Variants in LMNTD1 observed in about 807,000 individuals in gnomAD.
LMNTD1 encodes the protein lamin tail domain-containing protein 1.
Under a neutral mutation model 50.9 loss-of-function variants are expected in LMNTD1, and 35 were observed. The observed-to-expected ratio is 0.69, with a 90% CI of 0.53 to 0.91. LMNTD1 has a LOEUF of 0.91. LMNTD1 is among the 40% of genes least tolerant of loss of function. The pLI, the probability that LMNTD1 is intolerant of heterozygous loss-of-function variation, is 0.00. For synonymous variants in LMNTD1, 153 were observed against 161.9 expected (o/e 0.94, Z 0.42); for missense variants, 470 against 475.5 (o/e 0.99, Z 0.11).
intron 6 of LMNTD1, among the ~76,000 whole-genome samples, chr12:25,524,918 G>A (rs765801222): frequency 4.6e-5 from 7 of 152,080 alleles, no homozygotes; most frequent in African/African-American, 9.7e-5. Context: ...AACTGTTCCC[G>A]CAGAAAGACA....
In LMNTD1 at chr12:25,518,868, G is replaced by GT. The variant is rs749390734; in HGVS notation, c.1115dup (p.His372GlnfsTer12). On this transcript the variant is annotated frameshift_variant, in exon 8 of 10. Coordinates refer to ENST00000458174, the MANE Select transcript of LMNTD1 (RefSeq NM_001145728.2). LOFTEE classifies it high-confidence loss of function. ...ATCTGCCTCCAGCGGTGGATGTATT[G>GT]TGTGGTTCAATCAGAGGACAGTAAG... 67 of 1,613,976 alleles carry GT rather than the reference G, an allele frequency of 4.2e-5. No individual in the cohort carries two copies. Among genetic ancestry groups the GT allele is most frequent in the Non-Finnish European group, 5.4e-5 (64 of 1,180,026 alleles).
chr12:25,485,730 C>A (rs1198921809), intron 9 of LMNTD1, among the ~76,000 whole-genome samples: 275 of 72,372 alleles, frequency 3.8e-3, no homozygotes, highest in Middle Eastern at 0.024. Flanking sequence ...ATATGGCTAG[C>A]CAGTTTTCCC....
chr12:25,646,499 T>C (rs1215780567), intron 1 of LMNTD1, among the ~76,000 whole-genome samples: 2 of 152,172 alleles, frequency 1.3e-5, no homozygotes, highest in African/African-American at 2.4e-5. Context: ...CATTTTTTTT[T>C]CTCTTGTGCT....
At chr12:25,493,637 G>A (rs1938963459) in intron 9 of LMNTD1, among the ~76,000 whole-genome samples, 2 of 152,116 alleles carry the variant, frequency 1.3e-5, no homozygotes, top group African/African-American at 4.8e-5. Flanking sequence ...CAGTGATTGG[G>A]GCAGACATTC....
chr12:25,606,726 T>C (rs1265669759), intron 1 of LMNTD1, among the ~76,000 whole-genome samples: 3 of 152,206 alleles, frequency 2.0e-5, no homozygotes, highest in African/African-American at 4.8e-5. Flanking sequence ...CTGCTGGATT[T>C]GGTTTGCCAG....
At chr12:25,597,118 C>T (rs1945859049) in intron 1 of LMNTD1, among the ~76,000 whole-genome samples, 1 of 151,856 alleles carries the variant, frequency 6.6e-6, no homozygotes, top group Admixed American at 6.6e-5. Context: ...AAATAATCTT[C>T]ACTAAAAGGA....
chr12:25,604,989 C>T (rs988781995), intron 1 of LMNTD1, among the ~76,000 whole-genome samples: 15 of 152,144 alleles, frequency 9.9e-5, no homozygotes, highest in Non-Finnish European at 1.8e-4. Context: ...TCCTATTTCT[C>T]CACATCCTCT....
At chr12:25,596,759 AAC>A (rs2136495463) in intron 1 of LMNTD1, among the ~76,000 whole-genome samples, 1 of 152,096 alleles carries the variant, frequency 6.6e-6, no homozygotes, top group East Asian at 1.9e-4. Flanking sequence ...TATACAGAAA[AAC>A]ACAGAACATT....
intron 4 of LMNTD1, among the ~76,000 whole-genome samples, chr12:25,540,004 A>C (rs1388869483): frequency 6.9e-6 from 1 of 145,282 alleles, no homozygotes; most frequent in East Asian, 2.0e-4. Context: ...TGACACATAC[A>C]CTCTCCCAAG....
Position 25,518,819 on chromosome 12 carries a change from ACCG to A in LMNTD1, c.1162_1164del (p.Arg388del). The A allele has an allele frequency of 6.2e-7, 1 of 1,614,142 alleles. No individual in the cohort carries two copies. Reference sequence around the variant, plus strand: ...CCTGAGGCTCGATTAGGTCTGGTTGACCGAGTCCTGGGCTGTCTATCCAATCTG... The same window carrying A: ...CCTGAGGCTCGATTAGGTCTGGTTGAAGTCCTGGGCTGTCTATCCAATCTG... On this transcript the variant is annotated inframe_deletion, in exon 8 of 10. Coordinates refer to ENST00000458174, the MANE Select transcript of LMNTD1 (RefSeq NM_001145728.2).
At chr12:25,584,863 A>G (rs769967824) in intron 1 of LMNTD1, among the ~76,000 whole-genome samples, 6 of 152,198 alleles carry the variant, frequency 3.9e-5, no homozygotes, top group Non-Finnish European at 5.9e-5. Flanking sequence ...TGGCTGAAAA[A>G]TACAAATTTG....
At chr12:25,563,567 C>T (rs1178015082) in intron 1 of LMNTD1, among the ~76,000 whole-genome samples, 1 of 152,202 alleles carries the variant, frequency 6.6e-6, no homozygotes, top group Non-Finnish European at 1.5e-5. Flanking sequence ...TGGGAGATGT[C>T]TCCCAGTTAC....
chr12:25,491,411 T>C (rs1454206003), intron 9 of LMNTD1, among the ~76,000 whole-genome samples: 1 of 152,222 alleles, frequency 6.6e-6, no homozygotes, highest in African/African-American at 2.4e-5. Context: ...AACTGGACTA[T>C]GAAGCTAAGG....
chr12:25,546,090 C>T (rs755356066), intron 4 of LMNTD1, among the ~76,000 whole-genome samples: 10 of 151,604 alleles, frequency 6.6e-5, no homozygotes, highest in Non-Finnish European at 7.4e-5. Flanking sequence ...AATTCAACAA[C>T]GATAAAAAAG....
In LMNTD1 at chr12:25,620,394, A is replaced by G. The variant is rs188227602; in HGVS notation, c.58+28100T>C. Among the ~76,000 whole-genome samples, 397 of 152,146 alleles carry G rather than the reference A, an allele frequency of 2.6e-3. 3 individuals are homozygous for G. The highest frequency in any genetic ancestry group is 9.2e-3 in the African/African-American group (381 of 41,578). ...TTATAAAATATACTTTTAAAATACA[A>G]GTATTTTAAATATATAATTTCTATA... On this transcript the variant is annotated intron_variant, in intron 1 of 7. Coordinates refer to the LMNTD1 transcript ENST00000445693.
In LMNTD1 at chr12:25,528,989, T is replaced by A. The variant is rs1044366662; in HGVS notation, c.492-2034A>T. On this transcript the variant is annotated intron_variant, in intron 4 of 9. Coordinates refer to ENST00000458174, the MANE Select transcript of LMNTD1 (RefSeq NM_001145728.2). ...GCTATGTCACTAATTAATCACCTCT[T>A]ATTTACTTCACAACCACCTGCCTCT... is the stretch of plus-strand genomic sequence containing the variant. Among the ~76,000 whole-genome samples the A allele has an allele frequency of 2.6e-5, 4 of 152,184 alleles. No homozygotes were observed. The South Asian group carries it at 8.3e-4, about 32-fold the overall frequency.
Position 25,534,227 on chromosome 12 carries a change from T to C in LMNTD1, c.492-7272A>G, listed in dbSNP as rs12319156. On this transcript the variant is annotated intron_variant, in intron 4 of 9. Transcript: ENST00000458174. ...AGTAGGAAAGAAACAACAGCTTTGA[T>C]TGAAAACAACCAAATTGAGAATCAG... Among the ~76,000 whole-genome samples, 1,142 of 152,232 alleles carry C rather than the reference T, an allele frequency of 7.5e-3. 12 individuals are homozygous for C. The highest frequency in any genetic ancestry group is 0.026 in the African/African-American group (1,080 of 41,526).
intron 8 of LMNTD1, 116 bp downstream of exon 8, chr12:25,518,679 T>G: frequency 1.1e-6 from 1 of 891,560 alleles, no homozygotes; most frequent in Non-Finnish European, 1.8e-6. Context: ...CATCTATTCT[T>G]GAGAATATGA....
intron 1 of LMNTD1, among the ~76,000 whole-genome samples, chr12:25,588,221 T>C (rs374665718): frequency 4.7e-4 from 71 of 152,320 alleles, no homozygotes; most frequent in East Asian, 4.4e-3. Context: ...AGCAACTAAC[T>C]AGAAATTTAA....
Sources: gnomAD v4.1 joint callset for allele counts (sites outside exome capture counted in the v4.1 genomes callset) on GRCh38, gnomAD v4.1.1 for gene constraint, MANE v1.5 for transcripts, NCBI Gene and HGNC (gene_info 2026-07-23, HGNC 2026-07-21) for gene names.